The following ANKRD44 variants were observed in gnomAD, a reference collection of about 807,000 sequenced individuals.
ANKRD44 encodes serine/threonine-protein phosphatase 6 regulatory ankyrin repeat subunit B.
Under a neutral mutation model 116.0 loss-of-function variants are expected in ANKRD44, and 35 were observed. The observed-to-expected ratio is 0.30, with a 90% CI of 0.23 to 0.40. The LOEUF (loss-of-function observed/expected upper bound fraction) is 0.40, where lower values mean the gene tolerates loss of function less well. Among genes scored for constraint, ANKRD44 ranks in the 10% least tolerant of loss-of-function variants. The pLI is 1.00. For synonymous variants in ANKRD44, 435 were observed against 461.8 expected, an observed-to-expected ratio of 0.94 and a Z score of 0.74; for missense variants, 1,014 against 1,242.6, an observed-to-expected ratio of 0.82 and a Z score of 2.77.
At chr2:197,073,200 G>A (rs2077596483) in intron 16 of ANKRD44, among the ~76,000 whole-genome samples, 1 of 152,146 alleles carries the variant, frequency 6.6e-6, no homozygotes, top group African/African-American at 2.4e-5. Flanking sequence ...CACCCTTCTG[G>A]CAGTGATGTC....
intron 21 of ANKRD44, among the ~76,000 whole-genome samples, chr2:197,005,048 C>T (rs1180396805): frequency 6.6e-6 from 1 of 151,932 alleles, no homozygotes; most frequent in African/African-American, 2.4e-5. Context: ...AAAAAATATA[C>T]ACATTAATTT....
chr2:197,239,675 T>C (rs916820392), intron 1 of ANKRD44, among the ~76,000 whole-genome samples: 4 of 152,260 alleles, frequency 2.6e-5, no homozygotes, highest in Non-Finnish European at 1.5e-5. Context: ...GTCTTGGTTT[T>C]ACTTTTGTTT....
At chr2:197,045,446 G>A (rs969539179) in intron 16 of ANKRD44, among the ~76,000 whole-genome samples, 2 of 150,552 alleles carry the variant, frequency 1.3e-5, no homozygotes, top group African/African-American at 4.9e-5. Context: ...ATTTCCACCT[G>A]TGTTATTCAT....
At chr2:197,013,843 G>C in intron 17 of ANKRD44, 131 bp from the exon 18 acceptor site, 1 of 842,600 alleles carries the variant, frequency 1.2e-6, no homozygotes, top group Admixed American at 2.5e-5. Flanking sequence ...AAAAACACTT[G>C]GAATATTTAT....
intron 21 of ANKRD44, among the ~76,000 whole-genome samples, chr2:196,979,382 CAA>C (rs778459937): frequency 1.5e-3 from 59 of 40,560 alleles, no homozygotes; most frequent in Middle Eastern, 0.017. Context: ...GACTCCGTCT[CAA>C]AAAAAAAAAA....
chr2:197,278,788 G>A (rs904040399), intron 1 of ANKRD44, among the ~76,000 whole-genome samples: 8 of 152,176 alleles, frequency 5.3e-5, no homozygotes, highest in Admixed American at 6.5e-5. Context: ...ATTGCGACAC[G>A]TAGGTCGCCA....
intron 10 of ANKRD44, among the ~76,000 whole-genome samples, chr2:197,092,237 C>A (rs1350710887): frequency 6.6e-6 from 1 of 152,174 alleles, no homozygotes; most frequent in Non-Finnish European, 1.5e-5. Context: ...CTGCATAATA[C>A]AAGCAAGTAT....
intron 4 of ANKRD44, chr2:197,134,977 A>T (rs1351981437): frequency 6.6e-6 from 1 of 152,194 alleles, no homozygotes; most frequent in Non-Finnish European, 1.5e-5. Context: ...ATGTGGGACC[A>T]TGAGAAGATT....
At chr2:196,989,726 TA>T in intron 27 of ANKRD44, 77 bp from the exon 28 acceptor site, 1 of 1,535,334 alleles carries the variant, frequency 6.5e-7, no homozygotes. Context: ...TTTTACATGC[TA>T]AATCACCCAT....
chr2:197,221,047 C>T (rs1012861265), intron 1 of ANKRD44, among the ~76,000 whole-genome samples: 4 of 152,028 alleles, frequency 2.6e-5, no homozygotes, highest in South Asian at 2.1e-4. Context: ...GTCAGGAGTT[C>T]GAGGTCAGCC....
intron 21 of ANKRD44, among the ~76,000 whole-genome samples, chr2:196,976,061 G>A (rs932325361): frequency 2.6e-5 from 4 of 151,796 alleles, no homozygotes; most frequent in African/African-American, 9.7e-5. Context: ...AAAAACACTC[G>A]AGAAACTAGA....
chr2:197,116,388 G>C (rs921051949), intron 8 of ANKRD44, among the ~76,000 whole-genome samples: 1 of 152,194 alleles, frequency 6.6e-6, no homozygotes, highest in African/African-American at 2.4e-5. Flanking sequence ...TACCAGGATG[G>C]CAAGACAGAT....
intron 4 of ANKRD44, among the ~76,000 whole-genome samples, chr2:197,133,261 G>A (rs1226053320): frequency 1.3e-5 from 2 of 152,144 alleles, no homozygotes; most frequent in African/African-American, 4.8e-5. Context: ...CATGATGTTG[G>A]AGGCAGTGTT....
At chr2:197,152,939 G>A (rs939045260) in intron 2 of ANKRD44, among the ~76,000 whole-genome samples, 4 of 152,086 alleles carry the variant, frequency 2.6e-5, no homozygotes, top group Admixed American at 6.5e-5. Context: ...AGTTTGGGCC[G>A]GACGTGGTGG....
intron 2 of ANKRD44, among the ~76,000 whole-genome samples, chr2:197,150,272 G>A (rs1017994962): frequency 6.6e-6 from 1 of 152,170 alleles, no homozygotes; most frequent in Admixed American, 6.5e-5. Flanking sequence ...AAGTGGGCTG[G>A]GCACGGTGGC....
Position 197,121,362 on chromosome 2 carries a change from T to C in ANKRD44, c.876A>G (p.Leu292=). Residue 292 remains leucine, a synonymous_variant, in exon 8 of 28, where the codon TTA becomes TTG. Transcript: ENST00000282272. ...STHGALCLEL[L]VNNGADVNIQ... The stretch of plus-strand genomic sequence containing the variant: ...TGTTAACATCTGCCCCGTTGTTTAC[T>C]AACAATTCAAGACACAAAGCACCAT... 6.2e-7 allele frequency: 1 copy of C among 1,614,206 alleles called. No homozygotes were observed. The highest frequency in any genetic ancestry group is 8.5e-7 in the Non-Finnish European group (1 of 1,180,040).
chr2:197,191,233 G>A (rs2125620010), intron 1 of ANKRD44, among the ~76,000 whole-genome samples: 1 of 152,272 alleles, frequency 6.6e-6, no homozygotes, highest in African/African-American at 2.4e-5. Context: ...AAGCACAAGT[G>A]GGATTTGTTG....
intron 9 of ANKRD44, among the ~76,000 whole-genome samples, chr2:197,110,193 T>TCAA (rs2125273003): frequency 6.6e-6 from 1 of 152,268 alleles, no homozygotes; most frequent in African/African-American, 2.4e-5. Flanking sequence ...GCCAGGCTGG[T>TCAA]CTCGAACTCC....
chr2:197,168,016 C>T (rs1220774025), intron 2 of ANKRD44, among the ~76,000 whole-genome samples: 6 of 152,256 alleles, frequency 3.9e-5, no homozygotes, highest in Admixed American at 2.6e-4. Flanking sequence ...AGCCTTGAGC[C>T]GCCCTGTCAC....
Sources: allele counts gnomAD v4.1 joint callset (sites outside exome capture counted in the v4.1 genomes callset), GRCh38; gene constraint gnomAD v4.1.1; transcripts MANE v1.5; gene names NCBI Gene and HGNC (gene_info 2026-07-23, HGNC 2026-07-21).